Variants in CEP128 observed in about 807,000 individuals in gnomAD.
The protein encoded by CEP128 is centrosomal protein 128.
CEP128 carries 132 observed loss-of-function variants against 156.7 expected under a neutral mutation model. The observed-to-expected ratio is 0.84, with a 90% CI of 0.73 to 0.97. The LOEUF (loss-of-function observed/expected upper bound fraction) is 0.97, where lower values mean the gene tolerates loss of function less well. CEP128 is among the 50% of genes least tolerant of loss of function. The pLI is 0.00. For missense variants in CEP128, 1,252 were observed against 1,281.9 expected, an observed-to-expected ratio of 0.98 and a Z score of 0.36; for synonymous variants, 469 against 448.9, an observed-to-expected ratio of 1.04 and a Z score of -0.57.
intron 18 of CEP128, among the ~76,000 whole-genome samples, chr14:80,750,451 C>G (rs1459087999): frequency 6.6e-6 from 1 of 152,006 alleles, no homozygotes; most frequent in East Asian, 1.9e-4. Flanking sequence ...TCGATATTGT[C>G]TTTATGCAAT....
At chr14:80,691,125 T>G (rs1018027172) in intron 19 of CEP128, among the ~76,000 whole-genome samples, 1 of 152,224 alleles carries the variant, frequency 6.6e-6, no homozygotes, top group Non-Finnish European at 1.5e-5. Flanking sequence ...GAAACCAGTA[T>G]GTTAATTTTA....
intron 19 of CEP128, among the ~76,000 whole-genome samples, chr14:80,595,177 T>G (rs1892260383): frequency 6.6e-6 from 1 of 152,160 alleles, no homozygotes; most frequent in Non-Finnish European, 1.5e-5. Flanking sequence ...TGCAGGGACA[T>G]GGATGAAGTG....
At chr14:80,704,495 A>G (rs1174643134) in intron 19 of CEP128, among the ~76,000 whole-genome samples, 1 of 152,098 alleles carries the variant, frequency 6.6e-6, no homozygotes, top group Non-Finnish European at 1.5e-5. Context: ...TGTACACATT[A>G]GAATTTTAAG....
At chr14:80,480,821 CA>C (rs1366417766) in intron 14 of CEP128, among the ~76,000 whole-genome samples, 1 of 152,150 alleles carries the variant, frequency 6.6e-6, no homozygotes, top group African/African-American at 2.4e-5. Context: ...AGGACAGGGG[CA>C]AAATGCAGCC....
intron 19 of CEP128, among the ~76,000 whole-genome samples, chr14:80,719,717 A>G (rs899438805): frequency 1.3e-5 from 2 of 152,116 alleles, no homozygotes; most frequent in African/African-American, 2.4e-5. Flanking sequence ...CAATTTGCCA[A>G]TATTAGAATA....
intron 8 of CEP128, among the ~76,000 whole-genome samples, chr14:80,869,187 C>T (rs573043734): frequency 6.6e-5 from 10 of 152,090 alleles, no homozygotes; most frequent in Admixed American, 2.6e-4. Context: ...TCTTCTCAAG[C>T]ATGCACAGAA....
intron 19 of CEP128, among the ~76,000 whole-genome samples, chr14:80,729,507 T>C (rs1898183431): frequency 6.6e-6 from 1 of 152,176 alleles, no homozygotes; most frequent in South Asian, 2.1e-4. Flanking sequence ...TTTTTTCATA[T>C]AATTTCATAA....
chr14:80,945,349 A>T (rs1380826773), upstream of CEP128, among the ~76,000 whole-genome samples: 13 of 152,178 alleles, frequency 8.5e-5, no homozygotes, highest in Non-Finnish European at 1.6e-4. Context: ...AAACAGTAAC[A>T]TGGGGGGTTA....
intron 18 of CEP128, among the ~76,000 whole-genome samples, chr14:80,744,741 G>C (rs1448384135): frequency 6.6e-6 from 1 of 152,112 alleles, no homozygotes; most frequent in Admixed American, 6.5e-5. Context: ...CAGATCACCA[G>C]GATTTTTCAG....
At chr14:80,786,492 C>T (rs572258100) in intron 14 of CEP128, among the ~76,000 whole-genome samples, 9 of 152,204 alleles carry the variant, frequency 5.9e-5, no homozygotes, top group African/African-American at 2.2e-4. Context: ...ATGAGTCAAT[C>T]ACTCCAAAAA....
In CEP128 at chr14:80,840,686, T is replaced by C; in HGVS notation, c.845A>G (p.Asn282Ser). 1 of 1,590,326 alleles carries C rather than the reference T, an allele frequency of 6.3e-7. No homozygotes were observed. The change falls in exon 10 of 25, where the codon AAT becomes AGT. Residue 282 changes from asparagine (N) to serine (S), a missense_variant. By Grantham distance (46) the Asn-to-Ser change is conservative. Coordinates refer to ENST00000555265, the MANE Select transcript of CEP128 (RefSeq NM_152446.5). ...NKLRQTETEK[N>S]QLEQELELSR... The stretch of plus-strand genomic sequence containing the variant: ...AGATAACTTTTAAAATCTTACTTGA[T>C]TCTTCTCAGTTTCAGTTTGTCTTAG...
intron 19 of CEP128, among the ~76,000 whole-genome samples, chr14:80,681,964 C>T (rs1219028793): frequency 6.6e-6 from 1 of 151,964 alleles, no homozygotes; most frequent in African/African-American, 2.4e-5. Context: ...AAAAATAAGC[C>T]AGGCAGGGTG....
At chr14:80,929,019 A>C (rs1384973379) in intron 2 of CEP128, among the ~76,000 whole-genome samples, 1 of 152,100 alleles carries the variant, frequency 6.6e-6, no homozygotes, top group Non-Finnish European at 1.5e-5. Flanking sequence ...GAACTCAAAC[A>C]TATCAGAAAA....
intron 22 of CEP128, among the ~76,000 whole-genome samples, chr14:80,529,347 C>T (rs1889120842): frequency 6.6e-6 from 1 of 152,196 alleles, no homozygotes. Flanking sequence ...ATTTAGGCAT[C>T]TTCATATGTG....
chr14:80,840,639 C>G, intron 10 of CEP128, 43 bp downstream of exon 10: 1 of 1,320,080 alleles, frequency 7.6e-7, no homozygotes, highest in Non-Finnish European at 1.1e-6. Flanking sequence ...ACCATTGGCC[C>G]CAAACCACTT....
At chr14:80,662,330 A>T (rs760052437) in intron 19 of CEP128, among the ~76,000 whole-genome samples, 1 of 152,198 alleles carries the variant, frequency 6.6e-6, no homozygotes, top group Non-Finnish European at 1.5e-5. Flanking sequence ...TTAAAGTCTA[A>T]AATTGAGTTT....
intron 9 of CEP128, among the ~76,000 whole-genome samples, chr14:80,857,927 G>A (rs1388008680): frequency 1.3e-5 from 2 of 152,170 alleles, no homozygotes; most frequent in African/African-American, 4.8e-5. Flanking sequence ...AAAATACAAT[G>A]TATGAAGGTC....
intron 12 of CEP128, among the ~76,000 whole-genome samples, chr14:80,835,064 AG>A (rs1886005824): frequency 6.6e-6 from 1 of 152,104 alleles, no homozygotes; most frequent in Non-Finnish European, 1.5e-5. Flanking sequence ...CTGGTTCTCA[AG>A]GGAACTGATT....
intron 8 of CEP128, among the ~76,000 whole-genome samples, chr14:80,867,857 G>T (rs1324770194): frequency 6.6e-6 from 1 of 152,018 alleles, no homozygotes; most frequent in Non-Finnish European, 1.5e-5. Flanking sequence ...GATCCTTGAA[G>T]ATCAAATAAC....
Sources: gnomAD v4.1 joint callset for allele counts (sites outside exome capture counted in the v4.1 genomes callset) on GRCh38, gnomAD v4.1.1 for gene constraint, MANE v1.5 for transcripts, NCBI Gene and HGNC (gene_info 2026-07-23, HGNC 2026-07-21) for gene names.